The following SMG5 variants were observed in gnomAD, a reference collection of about 807,000 sequenced individuals.
The protein encoded by SMG5 is SMG5 nonsense mediated mRNA decay factor.
SMG5 carries 53 observed loss-of-function variants against 122.9 expected under a neutral mutation model. That is an observed-to-expected ratio of 0.43 (90% CI 0.35 to 0.54). The LOEUF (loss-of-function observed/expected upper bound fraction) is 0.54, where lower values mean the gene tolerates loss of function less well. Among genes scored for constraint, SMG5 ranks in the 20% least tolerant of loss-of-function variants. SMG5 has a pLI of 0.01. For missense variants in SMG5, 1,153 were observed against 1,285.6 expected (o/e 0.90, Z 1.58); for synonymous variants, 477 against 490.2 (o/e 0.97, Z 0.35).
chr1:156,250,316 G>A lies in SMG5; in HGVS notation c.*271C>T. ...CTACCACCTGCCCCTGGAGACAGCA[G>A]GGGAGCTGAGGCAGGAAGGCTGGCC... On this transcript the variant is annotated 3_prime_UTR_variant, in exon 22 of 22. Transcript: ENST00000361813. The A allele has an allele frequency of 2.1e-6, 1 of 477,194 alleles. No individual in the cohort carries two copies. The highest frequency in any genetic ancestry group is 3.8e-6 in the Non-Finnish European group (1 of 262,044). The allele number at this position is 477,194 out of a possible 1,614,324, so 29.6% of individuals were successfully genotyped here. A position where few individuals can be genotyped will look rare whatever the true frequency, so the allele number is the denominator to read the frequency against.
At chr1:156,269,854 G>A (rs1027947275) in intron 7 of SMG5, among the ~76,000 whole-genome samples, 12 of 152,090 alleles carry the variant, frequency 7.9e-5, no homozygotes, top group African/African-American at 2.2e-4. Flanking sequence ...CAGCCTGTGC[G>A]ACAGTGCGAG....
Position 156,263,682 on chromosome 1 carries a change from A to G in SMG5, c.1856-112T>C, listed in dbSNP as rs574795142. On this transcript the variant is annotated intron_variant, in intron 12 of 21. Coordinates refer to ENST00000361813, the MANE Select transcript of SMG5 (RefSeq NM_015327.3). ...CTTCCACCTGGCCTGGGCCCTTCCA[A>G]GGAATTTGGATATGAAAAATCTGGG... is the stretch of plus-strand genomic sequence containing the variant. The G allele has an allele frequency of 1.9e-4, 234 of 1,202,298 alleles. 2 individuals are homozygous for G. The South Asian group carries it at 3.9e-3, about 20-fold the overall frequency. 74.5% of individuals were successfully genotyped at this position (1,202,298 alleles called of 1,614,324 possible).
At chr1:156,286,176 A>G (rs1663153945), upstream of SMG5, 1 of 1,445,736 alleles carries the variant, frequency 6.9e-7, no homozygotes, top group Admixed American at 1.8e-5. Context: ...TGCACTGCCC[A>G]CAGTGAATCT....
chr1:156,286,325 C>T (rs138674725), upstream of SMG5: 103 of 1,614,196 alleles, frequency 6.4e-5, no homozygotes, highest in African/African-American at 9.7e-4. Context: ...GGAGCCACGG[C>T]GGGAGGTGGA....
upstream of SMG5, chr1:156,285,945 T>A: frequency 6.2e-7 from 1 of 1,612,286 alleles, no homozygotes; most frequent in Admixed American, 1.7e-5. Context: ...ATCTACACAC[T>A]GCGCTGCGGG....
intron 4 of SMG5, among the ~76,000 whole-genome samples, chr1:156,276,220 G>A (rs1022247059): frequency 1.3e-5 from 2 of 150,388 alleles, no homozygotes; most frequent in African/African-American, 2.5e-5. Flanking sequence ...TCCACCTGCC[G>A]GGTTCAGGCG....
Position 156,282,788 on chromosome 1 carries a change from T to C in SMG5, c.-108A>G. On this transcript the variant is annotated 5_prime_UTR_variant, in exon 1 of 22. Coordinates refer to ENST00000361813, the MANE Select transcript of SMG5 (RefSeq NM_015327.3). ...CCGCAGCCGCCGCCGCCACCGGCCC[T>C]GCTCGGCCGCCATCGCTGTGAGGCG... is the stretch of plus-strand genomic sequence containing the variant. 1 of 1,240,500 alleles carries C rather than the reference T, an allele frequency of 8.1e-7. No individual in the cohort carries two copies. Among genetic ancestry groups the C allele is most frequent in the African/African-American group, 1.6e-5 (1 of 64,426 alleles). The allele number at this position is 1,240,500 out of a possible 1,614,324, so 76.8% of individuals were successfully genotyped here. A position where few individuals can be genotyped will look rare whatever the true frequency, so the allele number is the denominator to read the frequency against.
intron 7 of SMG5, among the ~76,000 whole-genome samples, chr1:156,270,986 A>G (rs924219647): frequency 6.6e-6 from 1 of 152,052 alleles, no homozygotes; most frequent in Non-Finnish European, 1.5e-5. Context: ...CAGCCTGGGC[A>G]ACAAGAGTGA....
intron 6 of SMG5, among the ~76,000 whole-genome samples, chr1:156,272,862 G>A (rs1290440258): frequency 1.3e-5 from 2 of 152,100 alleles, no homozygotes; most frequent in Admixed American, 1.3e-4. Context: ...ACCGCGCCCG[G>A]CCTACTGACC....
intron 20 of SMG5, 56 bp downstream of exon 20, chr1:156,251,347 C>A (rs879260347): frequency 2.3e-5 from 37 of 1,586,924 alleles, no homozygotes; most frequent in Non-Finnish European, 2.9e-5. Flanking sequence ...TAGGAATGCT[C>A]GTGGAGGAGC....
intron 5 of SMG5, among the ~76,000 whole-genome samples, chr1:156,273,785 G>A (rs1211583807): frequency 1.4e-5 from 2 of 146,888 alleles, no homozygotes; most frequent in Non-Finnish European, 3.0e-5. Flanking sequence ...CAACTCCTGG[G>A]TTCAAATGAT....
At position 156,282,665 on chromosome 1, in the gene SMG5, G is replaced by C. The variant is rs1369076305; in HGVS notation, c.16C>G (p.Pro6Ala). 3 of 1,605,706 alleles carry C rather than the reference G, an allele frequency of 1.9e-6. No homozygotes were observed. The highest frequency in any genetic ancestry group is 1.7e-4 in the Middle Eastern group (1 of 6,060). The change falls in exon 1 of 22, where the codon CCC becomes GCC. Residue 6 changes from proline to alanine, a missense_variant. Pro to Ala is a conservative substitution (Grantham distance 27). Around this residue, in one of 5 missense-constraint regions of SMG5, gnomAD observed 213 missense variants for 197.5 expected, o/e 1.08. Transcript: ENST00000361813. ...TCGGGCTCGCTGCTCTCCCCTGTGG[G>C]GGGGCCTTGGCTCATGGTGCCCGGG... MSQGP[P>A]TGESSEPEAK...
intron 1 of SMG5, among the ~76,000 whole-genome samples, chr1:156,280,019 A>G (rs902706210): frequency 2.0e-5 from 3 of 152,232 alleles, no homozygotes; most frequent in Admixed American, 2.0e-4. Context: ...TAGCTAATAC[A>G]TAAAGCACCC....
At chr1:156,280,710 AG>A (rs1363615837) in intron 1 of SMG5, among the ~76,000 whole-genome samples, 3 of 152,172 alleles carry the variant, frequency 2.0e-5, no homozygotes, top group Admixed American at 1.3e-4. Context: ...CCACCACTCT[AG>A]GAAGTTCTAA....
At chr1:156,288,238 G>T in the SMG5 span, among the ~76,000 whole-genome samples, 1 of 149,522 alleles carries the variant, frequency 6.7e-6, no homozygotes, top group East Asian at 1.9e-4. Flanking sequence ...ATTTTCACAT[G>T]AACTACTGTT....
chr1:156,259,591 G>A (rs764879870), intron 15 of SMG5, among the ~76,000 whole-genome samples: 5 of 152,122 alleles, frequency 3.3e-5, no homozygotes, highest in Non-Finnish European at 5.9e-5. Flanking sequence ...GTGCAGTGGT[G>A]TGATTACAGC....
At chr1:156,278,126 T>C (rs1662767128) in intron 2 of SMG5, 78 bp from the exon 3 acceptor site, 5 of 1,552,702 alleles carry the variant, frequency 3.2e-6, no homozygotes, top group Non-Finnish European at 4.4e-6. Context: ...CAAGGAGTCA[T>C]GTGCCAACAC....
At chr1:156,286,493 G>T (rs770261576), upstream of SMG5, 7 of 1,612,114 alleles carry the variant, frequency 4.3e-6, no homozygotes, top group East Asian at 1.3e-4. Flanking sequence ...GGCAGAGGGT[G>T]GGGCATGGGA....
intron 1 of SMG5, among the ~76,000 whole-genome samples, chr1:156,281,924 C>T (rs1282171546): frequency 6.6e-6 from 1 of 152,122 alleles, no homozygotes; most frequent in Non-Finnish European, 1.5e-5. Flanking sequence ...ACGGAAGTTG[C>T]CTGGCAAGAG....
Sources: allele counts gnomAD v4.1 joint callset (sites outside exome capture counted in the v4.1 genomes callset), GRCh38; gene constraint gnomAD v4.1.1; regional missense constraint gnomAD v4.1.1; transcripts MANE v1.5; gene names NCBI Gene and HGNC (gene_info 2026-07-23, HGNC 2026-07-21).